NKAIN3: variants seen among roughly 807,000 people sequenced by gnomAD.
The protein encoded by NKAIN3 is sodium/potassium-transporting ATPase subunit beta-1-interacting protein 3.
Under a neutral mutation model 30.2 loss-of-function variants are expected in NKAIN3, and 25 were observed. The observed-to-expected ratio is 0.83, with a 90% CI of 0.60 to 1.16. The LOEUF is 1.16. Among genes scored for constraint, NKAIN3 ranks in the 50% most tolerant of loss-of-function variants. NKAIN3 has a pLI of 0.00. For synonymous variants in NKAIN3, 91 were observed against 89.6 expected (o/e 1.02, Z -0.09); for missense variants, 225 against 254.1 (o/e 0.89, Z 0.78).
At chr8:62,436,851 A>G (rs1448163662) in intron 1 of NKAIN3, among the ~76,000 whole-genome samples, 1 of 152,206 alleles carries the variant, frequency 6.6e-6, no homozygotes, top group East Asian at 1.9e-4. Context: ...CACAAGTAAA[A>G]GTAAGAAATT....
chr8:62,369,352 AG>A (rs367774313), intron 1 of NKAIN3, among the ~76,000 whole-genome samples: 167 of 152,226 alleles, frequency 1.1e-3, no homozygotes, highest in African/African-American at 3.9e-3. Context: ...TCTGCATAAC[AG>A]GTTTAATATT....
At chr8:62,327,919 T>C (rs1228456447) in intron 1 of NKAIN3, among the ~76,000 whole-genome samples, 1 of 152,094 alleles carries the variant, frequency 6.6e-6, no homozygotes, top group Admixed American at 6.6e-5. Flanking sequence ...ACATGGGATC[T>C]CTTTCCATTT....
intron 4 of NKAIN3, among the ~76,000 whole-genome samples, chr8:62,772,413 G>A (rs1047463903): frequency 6.6e-6 from 1 of 152,154 alleles, no homozygotes; most frequent in African/African-American, 2.4e-5. Context: ...AACGTCCAAA[G>A]TCTTCTCCAC....
At chr8:62,600,754 A>T (rs1156930170) in intron 3 of NKAIN3, among the ~76,000 whole-genome samples, 1 of 151,974 alleles carries the variant, frequency 6.6e-6, no homozygotes, top group Non-Finnish European at 1.5e-5. Context: ...TCCTCTTTTG[A>T]CTTAAATTTT....
At chr8:62,637,064 G>C (rs1467145198) in intron 3 of NKAIN3, among the ~76,000 whole-genome samples, 3 of 152,010 alleles carry the variant, frequency 2.0e-5, no homozygotes, top group Admixed American at 6.6e-5. Context: ...TTTTTGGAAA[G>C]GTATGGTTTC....
At chr8:62,886,116 TAA>T (rs1280717950) in intron 4 of NKAIN3, among the ~76,000 whole-genome samples, 2 of 152,178 alleles carry the variant, frequency 1.3e-5, no homozygotes, top group Non-Finnish European at 2.9e-5. Context: ...GCATTTTATA[TAA>T]GTTTATTCTC....
chr8:62,486,453 G>A (rs1319168155), intron 1 of NKAIN3, among the ~76,000 whole-genome samples: 2 of 152,052 alleles, frequency 1.3e-5, no homozygotes. Flanking sequence ...CAGAATGTTA[G>A]GTGGTCTAAA....
chr8:62,952,344 T>A (rs1823306829), intron 5 of NKAIN3, among the ~76,000 whole-genome samples: 1 of 152,296 alleles, frequency 6.6e-6, no homozygotes, highest in Middle Eastern at 3.4e-3. Flanking sequence ...AACTTACAAC[T>A]GCATCCTAAT....
intron 3 of NKAIN3, among the ~76,000 whole-genome samples, chr8:62,662,636 A>G (rs1300208611): frequency 6.6e-6 from 1 of 152,210 alleles, no homozygotes; most frequent in African/African-American, 2.4e-5. Flanking sequence ...TTTAAAGTTA[A>G]TAAAAGCTTC....
intron 1 of NKAIN3, among the ~76,000 whole-genome samples, chr8:62,281,074 G>T (rs1031770317): frequency 2.6e-5 from 4 of 152,128 alleles, no homozygotes; most frequent in African/African-American, 9.7e-5. Context: ...TCTATTCAGG[G>T]ATTCAACTTC....
At chr8:62,852,526 G>A (rs1443049611) in intron 4 of NKAIN3, among the ~76,000 whole-genome samples, 2 of 151,982 alleles carry the variant, frequency 1.3e-5, no homozygotes, top group Admixed American at 6.5e-5. Flanking sequence ...TGCTTCTCTA[G>A]TTCTTTTAAT....
chr8:62,675,950 A>G (rs1274428164), intron 3 of NKAIN3, among the ~76,000 whole-genome samples: 1 of 152,216 alleles, frequency 6.6e-6, no homozygotes, highest in Admixed American at 6.5e-5. Context: ...ACCCACCCAC[A>G]AACAATACAT....
chr8:62,657,238 T>A (rs573184834), intron 3 of NKAIN3, among the ~76,000 whole-genome samples: 2 of 152,190 alleles, frequency 1.3e-5, no homozygotes, highest in East Asian at 3.8e-4. Flanking sequence ...ATTTCATAAG[T>A]ATACAATAAA....
intron 4 of NKAIN3, among the ~76,000 whole-genome samples, chr8:62,899,292 T>A (rs1316055424): frequency 1.3e-5 from 2 of 152,190 alleles, no homozygotes; most frequent in African/African-American, 4.8e-5. Context: ...CATGTTTGTT[T>A]CAGCACTGTT....
intron 4 of NKAIN3, among the ~76,000 whole-genome samples, chr8:62,800,929 C>T (rs1818037461): frequency 6.6e-6 from 1 of 152,186 alleles, no homozygotes; most frequent in African/African-American, 2.4e-5. Flanking sequence ...TGCGCTTTTC[C>T]AACGGGCTTA....
At chr8:62,869,255 A>T (rs1038569966) in intron 4 of NKAIN3, among the ~76,000 whole-genome samples, 1 of 152,190 alleles carries the variant, frequency 6.6e-6, no homozygotes, top group Non-Finnish European at 1.5e-5. Flanking sequence ...TCAACCCGTC[A>T]TCTAGGCTTT....
intron 1 of NKAIN3, among the ~76,000 whole-genome samples, chr8:62,335,887 C>A (rs1815534956): frequency 6.6e-6 from 1 of 151,940 alleles, no homozygotes; most frequent in African/African-American, 2.4e-5. Flanking sequence ...TGACATAGTC[C>A]TTTTTTGCTG....
intron 3 of NKAIN3, among the ~76,000 whole-genome samples, chr8:62,648,194 T>A (rs937291768): frequency 6.6e-6 from 1 of 152,240 alleles, no homozygotes; most frequent in African/African-American, 2.4e-5. Context: ...AAGTACTATG[T>A]CCTGTAAGAC....
At chr8:62,406,910 AG>A (rs918156478) in intron 1 of NKAIN3, among the ~76,000 whole-genome samples, 1 of 152,222 alleles carries the variant, frequency 6.6e-6, no homozygotes, top group Non-Finnish European at 1.5e-5. Flanking sequence ...ATAAGTTTCA[AG>A]CAATGTTTCA....
Sources: allele counts gnomAD v4.1 joint callset (sites outside exome capture counted in the v4.1 genomes callset), GRCh38; gene constraint gnomAD v4.1.1; transcripts MANE v1.5; gene names NCBI Gene and HGNC (gene_info 2026-07-23, HGNC 2026-07-21).